The following ELL variants were observed in gnomAD, a reference collection of about 807,000 sequenced individuals.
ELL encodes RNA polymerase II elongation factor ELL.
In ELL, 18 loss-of-function variants were observed where a neutral mutation model predicts 64.0. That is an observed-to-expected ratio of 0.28 (90% CI 0.19 to 0.42). The LOEUF (loss-of-function observed/expected upper bound fraction) is 0.42. ELL is among the 10% of genes least tolerant of loss of function. The pLI, the probability that ELL is intolerant of heterozygous loss-of-function variation, is 1.00. For synonymous variants in ELL, 399 were observed against 376.2 expected, an observed-to-expected ratio of 1.06 and a Z score of -0.70; for missense variants, 797 against 870.4, an observed-to-expected ratio of 0.92 and a Z score of 1.06.
At chr19:18,445,158 G>T in intron 11 of ELL, 66 bp downstream of exon 11, 2 of 1,598,940 alleles carry the variant, frequency 1.3e-6, no homozygotes, top group South Asian at 1.1e-5. Context: ...GCTGCCCCGG[G>T]CCCACCCTCC....
chr19:18,502,276 G>A (rs191117038), intron 1 of ELL, among the ~76,000 whole-genome samples: 5 of 152,236 alleles, frequency 3.3e-5, no homozygotes, highest in African/African-American at 7.2e-5. Context: ...CCACCCTAGG[G>A]TGGACCATGG....
chr19:18,468,282 C>G (rs953159905), intron 2 of ELL, among the ~76,000 whole-genome samples: 2 of 152,120 alleles, frequency 1.3e-5, no homozygotes, highest in African/African-American at 2.4e-5. Context: ...ACCTCCCACA[C>G]ACAAACAACC....
At chr19:18,446,857 A>AC in intron 8 of ELL, 43 bp from the exon 9 acceptor site, 1 of 1,610,226 alleles carries the variant, frequency 6.2e-7, no homozygotes, top group Non-Finnish European at 8.5e-7. Context: ...CGCCCATGGC[A>AC]CCGGTCGGCA....
At chr19:18,499,012 C>T (rs1174874520) in intron 1 of ELL, among the ~76,000 whole-genome samples, 2 of 152,188 alleles carry the variant, frequency 1.3e-5, no homozygotes, top group African/African-American at 4.8e-5. Flanking sequence ...AAGCTAAAGG[C>T]TGGCTCCCTC....
intron 9 of ELL, 41 bp from the exon 10 acceptor site, chr19:18,446,521 G>T: frequency 6.3e-7 from 1 of 1,592,058 alleles, no homozygotes; most frequent in Non-Finnish European, 8.5e-7. Flanking sequence ...AGGCTGGAAG[G>T]ACCCAGCCCC....
At chr19:18,468,264 G>C (rs1176821479) in intron 2 of ELL, among the ~76,000 whole-genome samples, 1 of 150,144 alleles carries the variant, frequency 6.7e-6, no homozygotes, top group East Asian at 2.0e-4. Flanking sequence ...CATACACACA[G>C]AAACACAACC....
chr19:18,462,179 A>AGTGTGTGTGTGTGTGTGTGTGTGTGT (rs758119031), intron 4 of ELL, among the ~76,000 whole-genome samples: 1 of 120,044 alleles, frequency 8.3e-6, no homozygotes, highest in Non-Finnish European at 1.7e-5. Flanking sequence ...TCTGGTGGGC[A>AGTGTGTGTGTGTGTGTGTGTGTGTGT]GTGTGTGTGT....
chr19:18,479,573 G>A (rs1356607448), intron 1 of ELL, among the ~76,000 whole-genome samples: 1 of 151,946 alleles, frequency 6.6e-6, no homozygotes, highest in Non-Finnish European at 1.5e-5. Flanking sequence ...GCCAGGCATG[G>A]TGGCATACGC....
At chr19:18,466,396 T>TC (rs1235692064) in intron 2 of ELL, among the ~76,000 whole-genome samples, 1 of 151,902 alleles carries the variant, frequency 6.6e-6, no homozygotes, top group Non-Finnish European at 1.5e-5. Context: ...CCTCTCAGCA[T>TC]CCCCCCACAA....
chr19:18,460,769 T>C (rs1349759705), intron 5 of ELL, among the ~76,000 whole-genome samples: 1 of 152,176 alleles, frequency 6.6e-6, no homozygotes, highest in Non-Finnish European at 1.5e-5. Context: ...ACCCCGAACA[T>C]CCCACTTCCA....
intron 4 of ELL, 37 bp downstream of exon 4, chr19:18,465,375 C>G: frequency 6.4e-7 from 1 of 1,550,446 alleles, no homozygotes; most frequent in Non-Finnish European, 8.7e-7. Flanking sequence ...TGGCAGCTGC[C>G]CGGCTGCCCT....
intron 7 of ELL, among the ~76,000 whole-genome samples, chr19:18,451,234 G>A (rs1044058762): frequency 6.6e-6 from 1 of 152,210 alleles, no homozygotes. Flanking sequence ...GGTCTAAAGC[G>A]CTGCTGTGCT....
At position 18,501,175 on chromosome 19, in the gene ELL, T is replaced by C. The variant is rs984857013; in HGVS notation, c.135+20746A>G. Among the ~76,000 whole-genome samples, 2 of 151,884 alleles carry C rather than the reference T, an allele frequency of 1.3e-5. No individual in the cohort carries two copies. Among genetic ancestry groups the C allele is most frequent in the African/African-American group, 2.4e-5 (1 of 41,346 alleles). The stretch of plus-strand genomic sequence containing the variant: ...AAGCAGCACACCTCCAGGGGCCACG[T>C]AGACAACCTGTGACACAGTGAACCC... On this transcript the variant is annotated intron_variant, in intron 1 of 11. Transcript: ENST00000262809. The surrounding 1 kb of genome is among the most constrained non-coding windows in gnomAD (Gnocchi z 4.5).
rs77875090 is a variant in ELL, at chr19:18,466,937, C to G, written c.184-1019G>C. ...GGCTGAATCTCCTGCCCCCTCGCCC[C>G]TGCTGAGCTGCCTCATACGCCCATG... On this transcript the variant is annotated intron_variant, in intron 2 of 11. Transcript: ENST00000262809. Among the ~76,000 whole-genome samples, 112 of 152,314 alleles carry G rather than the reference C, an allele frequency of 7.4e-4. 2 individuals carry two copies. The East Asian group carries it at 0.018, about 24-fold the overall frequency.
At chr19:18,513,522 T>A (rs1403463194) in intron 1 of ELL, among the ~76,000 whole-genome samples, 1 of 152,078 alleles carries the variant, frequency 6.6e-6, no homozygotes, top group Non-Finnish European at 1.5e-5. Flanking sequence ...CAACAGAAAT[T>A]ACCTGGGGCA....
At chr19:18,472,731 C>A in intron 2 of ELL, 104 bp downstream of exon 2, 2 of 1,407,878 alleles carry the variant, frequency 1.4e-6, no homozygotes, top group Admixed American at 2.2e-5. Flanking sequence ...CAGACAGGGC[C>A]CAAACACTGC....
intron 3 of ELL, 85 bp downstream of exon 3, chr19:18,465,712 A>G (rs1202711733): frequency 1.0e-5 from 15 of 1,457,768 alleles, no homozygotes; most frequent in Non-Finnish European, 1.4e-5. Flanking sequence ...TATGGTTTCA[A>G]TGGGGCACAT....
chr19:18,463,850 G>C (rs1004277980), intron 4 of ELL, among the ~76,000 whole-genome samples: 12 of 152,104 alleles, frequency 7.9e-5, no homozygotes, highest in African/African-American at 2.7e-4. Context: ...GCCGGGCGTG[G>C]TGGCAGGCAC....
chr19:18,495,042 T>C (rs1233225766), intron 1 of ELL, among the ~76,000 whole-genome samples: 5 of 152,204 alleles, frequency 3.3e-5, no homozygotes, highest in Admixed American at 3.3e-4. Flanking sequence ...TGTTAGGCCC[T>C]GGGAACTCAT....
Sources: gnomAD v4.1 joint callset for allele counts (sites outside exome capture counted in the v4.1 genomes callset) on GRCh38, gnomAD v4.1.1 for gene constraint, Gnocchi (gnomAD v3.1) non-coding constraint, MANE v1.5 for transcripts, NCBI Gene and HGNC (gene_info 2026-07-23, HGNC 2026-07-21) for gene names.